The following PLXDC1 variants were observed in gnomAD, a reference collection of about 807,000 sequenced individuals.
PLXDC1 encodes the protein plexin domain-containing protein 1.
In PLXDC1, 39 loss-of-function variants were observed where a neutral mutation model predicts 61.3. The observed-to-expected ratio is 0.64, with a 90% CI of 0.49 to 0.83. PLXDC1 has a LOEUF of 0.83. Ranked by LOEUF, PLXDC1 falls within the 40% of genes least tolerant of loss-of-function variation. The pLI, the probability that PLXDC1 is intolerant of heterozygous loss-of-function variation, is 0.00. For synonymous variants in PLXDC1, 212 were observed against 254.5 expected (o/e 0.83, Z 1.59); for missense variants, 596 against 666.5 (o/e 0.89, Z 1.17).
intron 7 of PLXDC1, 139 bp downstream of exon 7, chr17:39,105,715 A>T (rs1910566833): frequency 6.3e-6 from 4 of 630,564 alleles, no homozygotes; most frequent in Middle Eastern, 2.9e-4. Context: ...GTCACTGGGC[A>T]TCCTTTCCTG....
intron 2 of PLXDC1, chr17:39,127,077 A>G (rs1182630210): frequency 6.6e-6 from 1 of 152,144 alleles, no homozygotes; most frequent in Admixed American, 6.6e-5. Flanking sequence ...TTGTGACTAC[A>G]ATCCTATTTT....
At chr17:39,142,343 G>A (rs1217604232) in intron 1 of PLXDC1, among the ~76,000 whole-genome samples, 1 of 152,210 alleles carries the variant, frequency 6.6e-6, no homozygotes, top group Non-Finnish European at 1.5e-5. Flanking sequence ...AGAATGCAAA[G>A]GCTCCTCTTG....
chr17:39,106,644 TTTTC>T (rs1910599693), intron 6 of PLXDC1, among the ~76,000 whole-genome samples: 1 of 137,390 alleles, frequency 7.3e-6, no homozygotes, highest in Non-Finnish European at 1.5e-5. Context: ...TCTTTTTTCT[TTTTC>T]TTTCTTTTTT....
intron 2 of PLXDC1, among the ~76,000 whole-genome samples, chr17:39,130,202 C>T (rs995937044): frequency 5.9e-5 from 9 of 152,118 alleles, no homozygotes; most frequent in Non-Finnish European, 8.8e-5. Context: ...CCTGTAATCC[C>T]AGCATTTAGG....
In PLXDC1 at chr17:39,100,018, C is replaced by T. The variant is rs142640700; in HGVS notation, c.811+5836G>A. ...AAAAGACCCTGGTTTGCGTCTTCCT[C>T]GCCCTCTGCTTTTGTCTCGCTTGCC... On this transcript the variant is annotated intron_variant, in intron 7 of 13. Transcript: ENST00000315392. 2.6e-5 allele frequency among the ~76,000 whole-genome samples: 4 copies of T among 152,268 alleles called. No homozygotes were observed. The East Asian group carries it at 5.8e-4, about 22-fold the overall frequency.
chr17:39,124,053 G>T (rs937458966), intron 2 of PLXDC1, among the ~76,000 whole-genome samples: 1 of 152,080 alleles, frequency 6.6e-6, no homozygotes, highest in Non-Finnish European at 1.5e-5. Flanking sequence ...GCCTTACAAG[G>T]CCAACAGAAA....
chr17:39,148,033 A>T (rs1290213262), intron 1 of PLXDC1, among the ~76,000 whole-genome samples: 1 of 152,156 alleles, frequency 6.6e-6, no homozygotes, highest in Non-Finnish European at 1.5e-5. Context: ...CTGAATGAGA[A>T]GAAGCCAGTT....
chr17:39,140,616 A>T (rs2143944419), intron 1 of PLXDC1, among the ~76,000 whole-genome samples: 1 of 152,300 alleles, frequency 6.6e-6, no homozygotes, highest in East Asian at 1.9e-4. Context: ...CGATTTCTTA[A>T]AAGAGCCTCA....
chr17:39,100,238 T>A (rs943764267), intron 7 of PLXDC1, among the ~76,000 whole-genome samples: 5 of 149,522 alleles, frequency 3.3e-5, no homozygotes, highest in Non-Finnish European at 5.9e-5. Context: ...GGCTAACACT[T>A]TTTTTCTTTT....
intron 9 of PLXDC1, chr17:39,079,620 G>C (rs1598186406): frequency 2.2e-6 from 1 of 450,302 alleles, no homozygotes; most frequent in Admixed American, 2.4e-5. Flanking sequence ...ATTTCTGACG[G>C]TCCTGCCAGA....
At chr17:39,135,126 G>C (rs1911701727) in intron 2 of PLXDC1, among the ~76,000 whole-genome samples, 2 of 152,234 alleles carry the variant, frequency 1.3e-5, no homozygotes, top group Non-Finnish European at 2.9e-5. Context: ...CTGCCCATGA[G>C]GCCTTCGGGT....
At chr17:39,139,958 G>T in intron 1 of PLXDC1, 126 bp from the exon 2 acceptor site, 1 of 911,072 alleles carries the variant, frequency 1.1e-6, no homozygotes, top group South Asian at 1.8e-5. Context: ...ACACTTGACT[G>T]ACTACCAGGA....
chr17:39,107,616 G>A (rs767772270), intron 5 of PLXDC1, 91 bp from the exon 6 acceptor site: 1 of 951,388 alleles, frequency 1.1e-6, no homozygotes, highest in Non-Finnish European at 1.7e-6. Flanking sequence ...GCGGCCACAG[G>A]TTGGGTCCCT....
intron 1 of PLXDC1, among the ~76,000 whole-genome samples, chr17:39,140,652 T>C (rs1351053787): frequency 6.6e-6 from 1 of 152,210 alleles, no homozygotes; most frequent in East Asian, 1.9e-4. Context: ...AGTCTTGGAC[T>C]TAACTCTGCA....
chr17:39,136,781 A>G (rs1911765385), intron 2 of PLXDC1, among the ~76,000 whole-genome samples: 1 of 152,196 alleles, frequency 6.6e-6, no homozygotes, highest in South Asian at 2.1e-4. Flanking sequence ...AGAAATTAAC[A>G]ATACGATAGT....
chr17:39,090,755 C>T (rs1455029655), intron 7 of PLXDC1, among the ~76,000 whole-genome samples: 2 of 152,236 alleles, frequency 1.3e-5, no homozygotes, highest in African/African-American at 4.8e-5. Flanking sequence ...ATGGCTGAGA[C>T]TCTAGGGCAT....
At chr17:39,128,117 A>ATATATATATATGTATG (rs1419979117) in intron 2 of PLXDC1, among the ~76,000 whole-genome samples, 1 of 96,426 alleles carries the variant, frequency 1.0e-5, no homozygotes, top group Non-Finnish European at 1.9e-5. Context: ...ATATATATGT[A>ATATATATATATGTATG]TATATATATG....
chr17:39,081,788 A>T (rs954944883), intron 9 of PLXDC1, among the ~76,000 whole-genome samples: 6 of 152,080 alleles, frequency 3.9e-5, no homozygotes, highest in African/African-American at 7.2e-5. Flanking sequence ...ACAAAATATT[A>T]GAAAAATGGC....
At chr17:39,117,105 T>G (rs1320709531) in intron 2 of PLXDC1, among the ~76,000 whole-genome samples, 1 of 152,226 alleles carries the variant, frequency 6.6e-6, no homozygotes, top group African/African-American at 2.4e-5. Flanking sequence ...GTCTTTCTTC[T>G]CTGCCACTTT....
Sources: allele counts gnomAD v4.1 joint callset (sites outside exome capture counted in the v4.1 genomes callset), GRCh38; gene constraint gnomAD v4.1.1; transcripts MANE v1.5; gene names NCBI Gene and HGNC (gene_info 2026-07-23, HGNC 2026-07-21).